The following NDNF variants were observed in gnomAD, a reference collection of about 807,000 sequenced individuals.
NDNF encodes the protein neuron derived neurotrophic factor, also known as protein NDNF.
Under a neutral mutation model 42.0 loss-of-function variants are expected in NDNF, and 16 were observed. That is an observed-to-expected ratio of 0.38 (90% CI 0.26 to 0.58). The LOEUF (loss-of-function observed/expected upper bound fraction) is 0.58, where lower values mean the gene tolerates loss of function less well. NDNF is among the 20% of genes least tolerant of loss of function. The pLI is 0.67. For synonymous variants in NDNF, 248 were observed against 251.7 expected, an observed-to-expected ratio of 0.99 and a Z score of 0.14; for missense variants, 616 against 666.2, an observed-to-expected ratio of 0.92 and a Z score of 0.83.
chr4:121,070,766 C>T lies in NDNF; in HGVS notation c.-2+1227G>A, dbSNP rs919449019. On this transcript the variant is annotated intron_variant, in intron 1 of 3. Coordinates refer to ENST00000379692, the MANE Select transcript of NDNF (RefSeq NM_024574.4). ...AAAAAACATAACAACAACAACAAAA[C>T]CCAGACATACACTCAGGTTCATTTC... 5.3e-5 allele frequency among the ~76,000 whole-genome samples: 8 copies of T among 152,210 alleles called. 1 individual carries two copies. Among genetic ancestry groups the T allele is most frequent in the African/African-American group, 2.4e-5 (1 of 41,542 alleles).
chr4:121,056,285 G>A (rs1912677), intron 1 of NDNF, among the ~76,000 whole-genome samples: 7,709 of 152,288 alleles, frequency 0.051, 282 homozygotes, highest in Non-Finnish European at 0.081. Context: ...AAAAGACCAG[G>A]AGGGAATTGA....
chr4:121,066,497 A>G (rs1297170618), intron 1 of NDNF, among the ~76,000 whole-genome samples: 1 of 152,226 alleles, frequency 6.6e-6, no homozygotes, highest in African/African-American at 2.4e-5. Context: ...TCTTAAATAT[A>G]GTATTTTCAA....
chr4:121,039,145 G>GTATATATATATATATGTATA (rs1474660216), intron 3 of NDNF, among the ~76,000 whole-genome samples: 1 of 86,358 alleles, frequency 1.2e-5, no homozygotes, highest in African/African-American at 4.1e-5. Flanking sequence ...ATATATATGT[G>GTATATATATATATATGTATA]TATATATATA....
chr4:121,054,061 A>G (rs1727245164), intron 1 of NDNF, among the ~76,000 whole-genome samples: 5 of 152,228 alleles, frequency 3.3e-5, no homozygotes. Context: ...CACCATAAAA[A>G]TTTGATTTTT....
At chr4:121,060,698 A>G (rs1453815399) in intron 1 of NDNF, among the ~76,000 whole-genome samples, 1 of 152,194 alleles carries the variant, frequency 6.6e-6, no homozygotes, top group Non-Finnish European at 1.5e-5. Context: ...ACTACAGAAT[A>G]ATAAATTGAA....
intron 1 of NDNF, chr4:121,071,367 A>C (rs978310495): frequency 3.3e-5 from 5 of 152,308 alleles, no homozygotes; most frequent in Non-Finnish European, 7.3e-5. Flanking sequence ...ATGAGGAGCC[A>C]GAGCGGTTGG....
intron 1 of NDNF, among the ~76,000 whole-genome samples, chr4:121,046,530 G>A (rs1287590083): frequency 1.3e-5 from 2 of 152,184 alleles, no homozygotes; most frequent in Non-Finnish European, 2.9e-5. Flanking sequence ...CACAAGATGA[G>A]TTATTAGTTG....
At position 121,039,167 on chromosome 4, in the gene NDNF, A is replaced by ACG. The variant is rs1553924236; in HGVS notation, c.313+762_313+763insCG. Among the ~76,000 whole-genome samples, 362 of 85,366 alleles carry ACG rather than the reference A, an allele frequency of 4.2e-3. 13 individuals carry two copies. Among genetic ancestry groups the ACG allele is most frequent in the Middle Eastern group, 6.8e-3 (1 of 146 alleles). The allele number at this position is 85,366 out of a possible 152,430, so 56.0% of individuals were successfully genotyped here. On this transcript the variant is annotated intron_variant, in intron 3 of 3. Transcript: ENST00000379692. ...TGTGTATATATATATGTATATATAT[A>ACG]TATAAAGACTATGTGTGTGTGTGTG...
In NDNF at chr4:121,067,567, A is replaced by C. The variant is rs115896314; in HGVS notation, c.-2+4426T>G. ...TTGTGGACTTTAAAGTGAAGTTTAAATCAAAGTTAACTCAATGAGTTCCTT... is the reference window on the plus strand; with the variant it reads ...TTGTGGACTTTAAAGTGAAGTTTAACTCAAAGTTAACTCAATGAGTTCCTT... On this transcript the variant is annotated intron_variant, in intron 1 of 3. Coordinates refer to ENST00000379692, the MANE Select transcript of NDNF (RefSeq NM_024574.4). Among the ~76,000 whole-genome samples the C allele has an allele frequency of 3.0e-3, 454 of 152,314 alleles. 2 individuals are homozygous for C. The highest frequency in any genetic ancestry group is 0.011 in the African/African-American group (439 of 41,576).
At chr4:121,045,153 C>T (rs1323906056) in intron 2 of NDNF, among the ~76,000 whole-genome samples, 1 of 152,208 alleles carries the variant, frequency 6.6e-6, no homozygotes, top group Non-Finnish European at 1.5e-5. Context: ...GAGATCGAGA[C>T]TATCCCGGCT....
chr4:121,047,202 C>G (rs896860188), intron 1 of NDNF, among the ~76,000 whole-genome samples: 8 of 152,188 alleles, frequency 5.3e-5, no homozygotes, highest in Non-Finnish European at 7.3e-5. Context: ...AAAGAAATAA[C>G]ATTCTCTTTT....
chr4:121,044,118 G>C (rs1279339024), intron 2 of NDNF, among the ~76,000 whole-genome samples: 1 of 152,150 alleles, frequency 6.6e-6, no homozygotes, highest in Admixed American at 6.5e-5. Context: ...CTCGAGCAGT[G>C]CCAAAATGAT....
intron 1 of NDNF, among the ~76,000 whole-genome samples, chr4:121,055,356 C>T (rs1353164763): frequency 6.6e-6 from 1 of 152,042 alleles, no homozygotes; most frequent in Non-Finnish European, 1.5e-5. Context: ...TGGGGATATG[C>T]TTTGCAGTTG....
rs533558817 is a variant in NDNF, at chr4:121,038,359, GATAAA to G, written c.314-707_314-703del. 1.6e-3 allele frequency among the ~76,000 whole-genome samples: 216 copies of G among 131,178 alleles called. 1 individual carries two copies. The highest frequency in any genetic ancestry group is 5.2e-3 in the African/African-American group (186 of 35,508). The allele number at this position is 131,178 out of a possible 152,430, so 86.1% of individuals were successfully genotyped here. A position where few individuals can be genotyped will look rare whatever the true frequency, so the allele number is the denominator to read the frequency against. On this transcript the variant is annotated intron_variant, in intron 3 of 3. Coordinates refer to ENST00000379692, the MANE Select transcript of NDNF (RefSeq NM_024574.4). ...AAAGCAAGACCCTGTCTCAAAATAAGATAAAATAAAATAAAATAAAATAAAATAAA... is the reference window on the plus strand; with the variant it reads ...AAAGCAAGACCCTGTCTCAAAATAAGATAAAATAAAATAAAATAAAATAAA...
chr4:121,036,117 C>T lies in NDNF; in HGVS notation c.*147G>A. ...CTCCTTCAAGAGTTACTTATATAAA[C>T]ATCAATATACACACGTTGATATCCT... is the stretch of plus-strand genomic sequence containing the variant. On this transcript the variant is annotated 3_prime_UTR_variant, in exon 4 of 4. Transcript: ENST00000379692. The T allele has an allele frequency of 4.3e-6, 3 of 700,098 alleles. No individual in the cohort carries two copies. Among genetic ancestry groups the T allele is most frequent in the Non-Finnish European group, 7.2e-6 (3 of 415,990 alleles). 43.4% of individuals were successfully genotyped at this position (700,098 alleles called of 1,614,324 possible). A position where few individuals can be genotyped will look rare whatever the true frequency, so the allele number is the denominator to read the frequency against.
At chr4:121,047,533 A>G (rs1330520627) in intron 1 of NDNF, among the ~76,000 whole-genome samples, 1 of 152,216 alleles carries the variant, frequency 6.6e-6, no homozygotes, top group Non-Finnish European at 1.5e-5. Context: ...TCTCTCCAGA[A>G]AGCCATAATA....
chr4:121,049,176 G>C (rs1412574418), intron 1 of NDNF, among the ~76,000 whole-genome samples: 1 of 152,210 alleles, frequency 6.6e-6, no homozygotes, highest in Admixed American at 6.5e-5. Flanking sequence ...ATTATGCAGA[G>C]TAAGTGTTGG....
At chr4:121,040,771 T>C (rs1726983177) in intron 2 of NDNF, among the ~76,000 whole-genome samples, 1 of 152,120 alleles carries the variant, frequency 6.6e-6, no homozygotes, top group Admixed American at 6.5e-5. Flanking sequence ...GTTTCCTGAG[T>C]AGCTGGGACT....
At chr4:121,041,814 C>A (rs1727003643) in intron 2 of NDNF, among the ~76,000 whole-genome samples, 1 of 152,160 alleles carries the variant, frequency 6.6e-6, no homozygotes, top group South Asian at 2.1e-4. Flanking sequence ...CAAAGGAGTT[C>A]TTTTCAGGCA....
Sources: gnomAD v4.1 joint callset for allele counts (sites outside exome capture counted in the v4.1 genomes callset) on GRCh38, gnomAD v4.1.1 for gene constraint, MANE v1.5 for transcripts, NCBI Gene and HGNC (gene_info 2026-07-23, HGNC 2026-07-21) for gene names.